CDH4: variants seen among roughly 807,000 people sequenced by gnomAD.
CDH4 encodes the protein cadherin-4.
CDH4 carries 33 observed loss-of-function variants against 86.0 expected under a neutral mutation model. That is an observed-to-expected ratio of 0.38 (90% CI 0.29 to 0.51). The LOEUF (loss-of-function observed/expected upper bound fraction) is 0.51, where lower values mean the gene tolerates loss of function less well. Ranked by LOEUF, CDH4 falls within the 20% of genes least tolerant of loss-of-function variation. The pLI, the probability that CDH4 is intolerant of heterozygous loss-of-function variation, is 0.86. For synonymous variants in CDH4, 555 were observed against 549.4 expected, an observed-to-expected ratio of 1.01 and a Z score of -0.14; for missense variants, 1,114 against 1,307.4, an observed-to-expected ratio of 0.85 and a Z score of 2.28.
chr20:61,846,318 C>T (rs1201959646), intron 5 of CDH4, among the ~76,000 whole-genome samples: 1 of 152,256 alleles, frequency 6.6e-6, no homozygotes, highest in East Asian at 1.9e-4. Flanking sequence ...ACCACAGAAC[C>T]AACCAGAGAC....
chr20:61,509,671 C>T (rs540768165), intron 2 of CDH4, among the ~76,000 whole-genome samples: 3 of 151,888 alleles, frequency 2.0e-5, no homozygotes, highest in Admixed American at 6.6e-5. Flanking sequence ...GCCAGGCAGG[C>T]GGGAGAAGTC....
At chr20:61,804,269 G>A (rs1980002024) in intron 4 of CDH4, among the ~76,000 whole-genome samples, 1 of 152,222 alleles carries the variant, frequency 6.6e-6, no homozygotes. Context: ...TGTCTCTGAG[G>A]CATCACCAGA....
At chr20:61,284,433 C>T (rs750670236) in intron 2 of CDH4, among the ~76,000 whole-genome samples, 1 of 152,184 alleles carries the variant, frequency 6.6e-6, no homozygotes, top group Non-Finnish European at 1.5e-5. Flanking sequence ...ACTGGGGCAT[C>T]GGACATCTCT....
In CDH4 at chr20:61,810,401, T is replaced by C. The variant is rs1183779532; in HGVS notation, c.577-34267T>C. 1.3e-5 allele frequency among the ~76,000 whole-genome samples: 2 copies of C among 152,176 alleles called. No homozygotes were observed. Among genetic ancestry groups the C allele is most frequent in the Non-Finnish European group, 2.9e-5 (2 of 68,028 alleles). ...GGACTCTTCCCAGCAAAAACTGCCC[T>C]CGGCCAAGTTTCTGACCTGGGTTCT... On this transcript the variant is annotated intron_variant, in intron 4 of 15. Coordinates refer to ENST00000614565, the MANE Select transcript of CDH4 (RefSeq NM_001794.5). This position sits in a 1 kb window ranked among gnomAD's most constrained non-coding sequence, Gnocchi z 4.3.
chr20:61,718,661 T>G (rs184985409), intron 2 of CDH4: 24 of 388,126 alleles, frequency 6.2e-5, no homozygotes, highest in African/African-American at 3.6e-4. Flanking sequence ...GACATTAACT[T>G]GAACCGAAGC....
In CDH4 at chr20:61,807,086, C is replaced by T. The variant is rs1373104222; in HGVS notation, c.576+33904C>T. On this transcript the variant is annotated intron_variant, in intron 4 of 15. Coordinates refer to ENST00000614565, the MANE Select transcript of CDH4 (RefSeq NM_001794.5). The surrounding 1 kb of genome is among the most constrained non-coding windows in gnomAD (Gnocchi z 4.5). ...GATTTTGAAAATGTCTCGCTCATCC[C>T]CTGATCTATGAGCTCCCAGGGCCCC... Among the ~76,000 whole-genome samples, 2 of 152,222 alleles carry T rather than the reference C, an allele frequency of 1.3e-5. No individual in the cohort carries two copies. The highest frequency in any genetic ancestry group is 2.9e-5 in the Non-Finnish European group (2 of 68,044).
At chr20:61,317,677 G>A (rs1357061400) in intron 2 of CDH4, among the ~76,000 whole-genome samples, 3 of 152,096 alleles carry the variant, frequency 2.0e-5, no homozygotes, top group Non-Finnish European at 4.4e-5. Context: ...CCTCCCCTAG[G>A]TGCCACAACC....
intron 2 of CDH4, among the ~76,000 whole-genome samples, chr20:61,423,107 C>T (rs938980477): frequency 2.0e-5 from 3 of 152,080 alleles, no homozygotes; most frequent in Admixed American, 6.5e-5. Context: ...TGGTGTACCT[C>T]GGGGCAGGGC....
intron 2 of CDH4, among the ~76,000 whole-genome samples, chr20:61,280,877 G>A (rs562036155): frequency 6.6e-6 from 1 of 152,218 alleles, no homozygotes; most frequent in Non-Finnish European, 1.5e-5. Context: ...GTGAAGGAGA[G>A]TAGGTGTCGG....
chr20:61,791,177 G>C (rs990907176), intron 4 of CDH4, among the ~76,000 whole-genome samples: 2 of 152,256 alleles, frequency 1.3e-5, no homozygotes, highest in African/African-American at 2.4e-5. Flanking sequence ...TCCCTGTCGA[G>C]GATAAAGGTA....
At chr20:61,543,114 G>A (rs2086052832) in intron 2 of CDH4, among the ~76,000 whole-genome samples, 1 of 152,220 alleles carries the variant, frequency 6.6e-6, no homozygotes, top group Non-Finnish European at 1.5e-5. Flanking sequence ...CTTTATTCTA[G>A]CCACGCTGGC....
In CDH4 at chr20:61,566,062, G is replaced by A. The variant is rs73322265; in HGVS notation, c.170-177501G>A. On this transcript the variant is annotated intron_variant, in intron 2 of 15. Transcript: ENST00000614565. ...TGCACAGTGCCACAGCCGGTGGGTC[G>A]CTGGTCCTCTGCTTCCCTGGTGCCT... Among the ~76,000 whole-genome samples the A allele has an allele frequency of 1.5e-3, 221 of 152,224 alleles. 2 individuals carry two copies. Among genetic ancestry groups the A allele is most frequent in the African/African-American group, 4.7e-3 (197 of 41,528 alleles).
At chr20:61,454,409 C>A (rs922682356) in intron 2 of CDH4, among the ~76,000 whole-genome samples, 2 of 152,110 alleles carry the variant, frequency 1.3e-5, no homozygotes, top group African/African-American at 4.8e-5. Context: ...GCCCGCAAGA[C>A]AGAGTAGGAG....
At chr20:61,402,389 C>T (rs988804743) in intron 2 of CDH4, among the ~76,000 whole-genome samples, 7 of 152,082 alleles carry the variant, frequency 4.6e-5, no homozygotes, top group Admixed American at 1.3e-4. Context: ...AGTACAGATG[C>T]AGTTTTGTTT....
chr20:61,839,494 ATG>A (rs1462335909), intron 4 of CDH4, among the ~76,000 whole-genome samples: 1 of 145,362 alleles, frequency 6.9e-6, no homozygotes. Flanking sequence ...GTTTGTGTAT[ATG>A]TGTGTATTTA....
chr20:61,545,177 G>A lies in CDH4; in HGVS notation c.170-198386G>A, dbSNP rs573279284. Among the ~76,000 whole-genome samples the A allele has an allele frequency of 1.8e-3, 277 of 152,346 alleles. 2 individuals are homozygous for A. Among genetic ancestry groups the A allele is most frequent in the African/African-American group, 6.4e-3 (266 of 41,588 alleles). On this transcript the variant is annotated intron_variant, in intron 2 of 15. Transcript: ENST00000614565. ...CTCTGCCACGCAGCATCGGGACAAC[G>A]TGGCTGTTTACTGCTCCCATGTGGG...
At chr20:61,459,520 C>T (rs1180198182) in intron 2 of CDH4, among the ~76,000 whole-genome samples, 3 of 150,664 alleles carry the variant, frequency 2.0e-5, no homozygotes, top group Non-Finnish European at 2.9e-5. Context: ...TCGGAGGATT[C>T]CCACAGCAGC....
intron 8 of CDH4, among the ~76,000 whole-genome samples, chr20:61,901,245 G>GCAGGGGCAGGGA (rs965329938): frequency 6.6e-6 from 1 of 151,894 alleles, no homozygotes; most frequent in Non-Finnish European, 1.5e-5. Flanking sequence ...AGGGGCAGGG[G>GCAGGGGCAGGGA]CAGGGGCAGG....
intron 2 of CDH4, among the ~76,000 whole-genome samples, chr20:61,635,270 G>A (rs191501921): frequency 8.5e-5 from 13 of 152,322 alleles, no homozygotes; most frequent in African/African-American, 2.4e-4. Flanking sequence ...TGCACAAGGC[G>A]TCCCCTTTCT....
Sources: allele counts gnomAD v4.1 joint callset (sites outside exome capture counted in the v4.1 genomes callset), GRCh38; gene constraint gnomAD v4.1.1; non-coding constraint Gnocchi (gnomAD v3.1); transcripts MANE v1.5; gene names NCBI Gene and HGNC (gene_info 2026-07-23, HGNC 2026-07-21).